The following CCNY variants were observed in gnomAD, a reference collection of about 807,000 sequenced individuals.
CCNY encodes cyclin Y, also known as cyclin-Y.
A neutral mutation model predicts 42.8 loss-of-function variants in CCNY; 19 were observed. The observed-to-expected ratio is 0.44, with a 90% CI of 0.31 to 0.65. The LOEUF (loss-of-function observed/expected upper bound fraction) is 0.65. Ranked by LOEUF, CCNY falls within the 30% of genes least tolerant of loss-of-function variation. The pLI is 0.07. For synonymous variants in CCNY, 165 were observed against 162.7 expected (o/e 1.01, Z -0.11); for missense variants, 370 against 437.3 (o/e 0.85, Z 1.37).
At chr10:35,501,821 TTC>T (rs1329052478) in intron 3 of CCNY, among the ~76,000 whole-genome samples, 1 of 152,236 alleles carries the variant, frequency 6.6e-6, no homozygotes, top group Non-Finnish European at 1.5e-5. Flanking sequence ...CGAAAGCCAC[TTC>T]TTTTTAATTT....
At chr10:35,534,463 T>G (rs895815046) in intron 7 of CCNY, among the ~76,000 whole-genome samples, 7 of 152,116 alleles carry the variant, frequency 4.6e-5, no homozygotes, top group Admixed American at 6.5e-5. Flanking sequence ...GAGAGGAAGT[T>G]GGTGATTGAT....
intron 3 of CCNY, among the ~76,000 whole-genome samples, chr10:35,258,319 G>T (rs4244996): frequency 3.7e-4 from 56 of 152,154 alleles, no homozygotes; most frequent in Non-Finnish European, 6.6e-4. Context: ...GGCCTCTTCT[G>T]AGCCTGTGCC....
At chr10:35,457,551 CAGTT>C (rs1383874390) in intron 1 of CCNY, among the ~76,000 whole-genome samples, 3 of 152,238 alleles carry the variant, frequency 2.0e-5, no homozygotes, top group African/African-American at 4.8e-5. Context: ...GGATCCTGCA[CAGTT>C]ACTCTACTGT....
At position 35,492,995 on chromosome 10, in the gene CCNY, G is replaced by C. The variant is rs193071486; in HGVS notation, c.230-8506G>C. Among the ~76,000 whole-genome samples, 437 of 151,668 alleles carry C rather than the reference G, an allele frequency of 2.9e-3. 2 individuals are homozygous for C. Among genetic ancestry groups the C allele is most frequent in the African/African-American group, 9.0e-3 (371 of 41,324 alleles). Reference sequence around the variant, plus strand: ...CTGCAGTCTTCTCTTGAGGTGCATGGGGGGGGGAGGGCAGGTATCAGGTTT... The same window carrying C: ...CTGCAGTCTTCTCTTGAGGTGCATGCGGGGGGGAGGGCAGGTATCAGGTTT... On this transcript the variant is annotated intron_variant, in intron 2 of 9. Transcript: ENST00000374704.
rs34429228 is a variant in CCNY, at chr10:35,419,533, C to CTTTTTTTTTTTTTTTTTTTTTTTTTTTTT, written c.155-63856_155-63855insTTTTTTTTTTTTTTTTTTTTTTTTTTTTT. Among the ~76,000 whole-genome samples the CTTTTTTTTTTTTTTTTTTTTTTTTTTTTT allele has an allele frequency of 5.2e-4, 68 of 129,658 alleles. 7 individuals are homozygous for CTTTTTTTTTTTTTTTTTTTTTTTTTTTTT. The highest frequency in any genetic ancestry group is 1.9e-3 in the African/African-American group (60 of 31,710). The allele number at this position is 129,658 out of a possible 152,430, so 85.1% of individuals were successfully genotyped here. ...AGGACTGGGTTGCATTAGACCGTTCCTTTTTTTTTTTTTTTAGCAATCTGG... is the reference window on the plus strand; with the variant it reads ...AGGACTGGGTTGCATTAGACCGTTCCTTTTTTTTTTTTTTTTTTTTTTTTTTTTTTTTTTTTTTTTTTTTAGCAATCTGG... On this transcript the variant is annotated intron_variant, in intron 1 of 9. Transcript: ENST00000374704.
intron 8 of CCNY, among the ~76,000 whole-genome samples, chr10:35,558,158 T>C (rs1310581277): frequency 6.6e-6 from 1 of 152,242 alleles, no homozygotes; most frequent in African/African-American, 2.4e-5. Flanking sequence ...AGTCATTCAC[T>C]TTTCCAGCAC....
At chr10:35,568,186 G>A (rs765194103) in intron 9 of CCNY, among the ~76,000 whole-genome samples, 14 of 152,214 alleles carry the variant, frequency 9.2e-5, no homozygotes, top group Admixed American at 6.5e-5. Flanking sequence ...AGCACAGGCC[G>A]AGGTTGGTGG....
intron 1 of CCNY, among the ~76,000 whole-genome samples, chr10:35,425,301 T>G (rs1838242828): frequency 6.6e-6 from 1 of 152,208 alleles, no homozygotes; most frequent in African/African-American, 2.4e-5. Context: ...GATTATTGCA[T>G]TGGTATTGTA....
chr10:35,503,058 C>T (rs1281766683), intron 3 of CCNY, among the ~76,000 whole-genome samples: 1 of 152,128 alleles, frequency 6.6e-6, no homozygotes, highest in Non-Finnish European at 1.5e-5. Flanking sequence ...ACAGTTCTAA[C>T]CTGCATACCT....
chr10:35,292,259 C>T (rs2135064339), intron 3 of CCNY, among the ~76,000 whole-genome samples: 1 of 152,276 alleles, frequency 6.6e-6, no homozygotes, highest in African/African-American at 2.4e-5. Flanking sequence ...ATACAAGCCC[C>T]TTACCCAAGA....
intron 3 of CCNY, among the ~76,000 whole-genome samples, chr10:35,276,046 T>C (rs1835235580): frequency 6.6e-6 from 1 of 152,242 alleles, no homozygotes. Context: ...GGGGAATCAC[T>C]GCTAAATACA....
chr10:35,416,239 T>C (rs916844981), intron 1 of CCNY, among the ~76,000 whole-genome samples: 1 of 151,436 alleles, frequency 6.6e-6, no homozygotes, highest in African/African-American at 2.4e-5. Flanking sequence ...ACCGTGTACT[T>C]TGATGATGCT....
intron 1 of CCNY, among the ~76,000 whole-genome samples, chr10:35,464,993 G>A (rs1051895799): frequency 3.9e-5 from 6 of 152,140 alleles, no homozygotes; most frequent in South Asian, 2.1e-4. Context: ...TATTTTTCCC[G>A]TTCCATTGAT....
chr10:35,338,221 T>G (rs1195823827), intron 1 of CCNY, among the ~76,000 whole-genome samples: 2 of 152,208 alleles, frequency 1.3e-5, no homozygotes, highest in Non-Finnish European at 2.9e-5. Context: ...CTGTCCACTT[T>G]AGGATGGAAG....
chr10:35,429,802 T>G (rs947719939), intron 1 of CCNY, among the ~76,000 whole-genome samples: 5 of 152,192 alleles, frequency 3.3e-5, no homozygotes, highest in African/African-American at 9.7e-5. Context: ...AACAGGTGTT[T>G]AATAAAAGCC....
At chr10:35,390,293 G>C (rs1482527823) in intron 1 of CCNY, among the ~76,000 whole-genome samples, 1 of 152,204 alleles carries the variant, frequency 6.6e-6, no homozygotes, top group African/African-American at 2.4e-5. Flanking sequence ...AGTTGCCCAG[G>C]ATGCCTGGTG....
chr10:35,312,156 T>A (rs1377458046), intron 3 of CCNY, among the ~76,000 whole-genome samples: 2 of 152,034 alleles, frequency 1.3e-5, no homozygotes, highest in African/African-American at 2.4e-5. Flanking sequence ...GGCAGGCGGA[T>A]CACGAGGTCA....
At chr10:35,247,728 T>C (rs2095709082) in intron 1 of CCNY, among the ~76,000 whole-genome samples, 1 of 150,564 alleles carries the variant, frequency 6.6e-6, no homozygotes. Flanking sequence ...TACAAAAAAT[T>C]AGCTGGGCGT....
At chr10:35,298,800 G>A (rs943305081) in intron 3 of CCNY, among the ~76,000 whole-genome samples, 1 of 152,150 alleles carries the variant, frequency 6.6e-6, no homozygotes, top group Non-Finnish European at 1.5e-5. Context: ...GAGATTACAG[G>A]CATGAGCCAT....
Sources: gnomAD v4.1 joint callset for allele counts (sites outside exome capture counted in the v4.1 genomes callset) on GRCh38, gnomAD v4.1.1 for gene constraint, MANE v1.5 for transcripts, NCBI Gene and HGNC (gene_info 2026-07-23, HGNC 2026-07-21) for gene names.